ZNF705G: variants seen among roughly 807,000 people sequenced by gnomAD.
ZNF705G encodes the protein putative zinc finger protein 705G.
ZNF705G carries 23 observed loss-of-function variants against 19.6 expected under a neutral mutation model. That is an observed-to-expected ratio of 1.17 (90% CI 0.84 to 1.66). The LOEUF (loss-of-function observed/expected upper bound fraction) is 1.66, where lower values mean the gene tolerates loss of function less well. ZNF705G is among the 40% of genes most tolerant of loss of function. The probability of loss-of-function intolerance (pLI) is 0.00; values close to 1 mark genes in which losing one functional copy is unlikely to be tolerated. For missense variants in ZNF705G, 457 were observed against 354.4 expected (o/e 1.29, Z -2.32); for synonymous variants, 146 against 117.7 (o/e 1.24, Z -1.56).
intron 2 of ZNF705G, among the ~76,000 whole-genome samples, chr8:7,367,099 C>G (rs1191853400): frequency 6.7e-6 from 1 of 149,546 alleles, no homozygotes; most frequent in South Asian, 2.1e-4. Context: ...AAAAGGCACA[C>G]AAATAGTGAA....
rs192686325 is a variant in ZNF705G, at chr8:7,361,281, C to G, written c.13-45G>C. ...TTAGTTTAGACAGAGAAATTCCTTT[C>G]AATGTCCGGAAGAGGAAGGCTGAGA... On this transcript the variant is annotated intron_variant, in intron 3 of 6. Transcript: ENST00000400156. 1.3e-5 allele frequency: 20 copies of G among 1,592,308 alleles called. No individual in the cohort carries two copies. The African/African-American group carries it at 2.7e-4, about 21-fold the overall frequency.
At position 7,359,256 on chromosome 8, in the gene ZNF705G, G is replaced by C. The variant is rs1806450738; in HGVS notation, c.318+363C>G. Among the ~76,000 whole-genome samples the C allele has an allele frequency of 2.0e-5, 3 of 149,758 alleles. 1 individual carries two copies. The highest frequency in any genetic ancestry group is 4.2e-4 in the South Asian group (2 of 4,754). On this transcript the variant is annotated intron_variant, in intron 6 of 6. Transcript: ENST00000400156. ...CAAATAAATCTCCTAAAATGATTGA[G>C]ACTTGTCTTGTCATTTTTCTCGATT...
At chr8:7,359,793 T>G (rs1585408069) in intron 5 of ZNF705G, 92 bp from the exon 6 acceptor site, 4 of 1,576,218 alleles carry the variant, frequency 2.5e-6, no homozygotes, top group Non-Finnish European at 3.5e-6. Flanking sequence ...TTTCAAAAAT[T>G]GACACGTAGA....
chr8:7,371,448 G>T (rs1262262822), intron 2 of ZNF705G, among the ~76,000 whole-genome samples: 1 of 116,278 alleles, frequency 8.6e-6, no homozygotes, highest in African/African-American at 3.4e-5. Flanking sequence ...TGCTAAAAGG[G>T]TAGATTTTGT....
chr8:7,378,159 T>C (rs1807323348), intron 2 of ZNF705G, among the ~76,000 whole-genome samples: 2 of 145,510 alleles, frequency 1.4e-5, no homozygotes, highest in African/African-American at 2.8e-5. Flanking sequence ...CTCCCCTTTT[T>C]TACTAGGAAA....
chr8:7,385,108 A>G (rs1433289271), intron 1 of ZNF705G, among the ~76,000 whole-genome samples: 1 of 147,888 alleles, frequency 6.8e-6, no homozygotes, highest in East Asian at 1.9e-4. Flanking sequence ...AGGTTCAGAG[A>G]ATGAACAGGG....
intron 2 of ZNF705G, among the ~76,000 whole-genome samples, chr8:7,380,758 G>C (rs142956196): frequency 1.4e-5 from 2 of 146,564 alleles, no homozygotes; most frequent in Non-Finnish European, 2.9e-5. Flanking sequence ...CCTGACTCAC[G>C]CCTGTAATCC....
chr8:7,364,561 G>C (rs1260384912), intron 2 of ZNF705G, among the ~76,000 whole-genome samples: 1 of 149,334 alleles, frequency 6.7e-6, no homozygotes, highest in African/African-American at 2.6e-5. Context: ...ATTATATTCT[G>C]CGTGTCGCTG....
intron 5 of ZNF705G, 150 bp from the exon 6 acceptor site, chr8:7,359,851 A>C: frequency 8.0e-7 from 1 of 1,243,604 alleles, no homozygotes; most frequent in South Asian, 1.4e-5. Context: ...GAAGAAATAG[A>C]TTGTACAGTG....
intron 2 of ZNF705G, among the ~76,000 whole-genome samples, chr8:7,367,763 G>C (rs534953748): frequency 6.7e-6 from 1 of 149,592 alleles, no homozygotes; most frequent in South Asian, 2.1e-4. Flanking sequence ...GAAACTTACC[G>C]CTCAGTCTCT....
At chr8:7,383,308 A>G (rs1376933486) in intron 1 of ZNF705G, among the ~76,000 whole-genome samples, 3 of 147,326 alleles carry the variant, frequency 2.0e-5, no homozygotes, top group Admixed American at 6.6e-5. Context: ...TATACACGGT[A>G]AAACACTGAA....
chr8:7,360,493 A>G (rs186448657), intron 4 of ZNF705G, among the ~76,000 whole-genome samples, 161 bp from the exon 5 acceptor site: 1 of 149,382 alleles, frequency 6.7e-6, no homozygotes, highest in East Asian at 1.9e-4. Flanking sequence ...TTCTGACCCA[A>G]TATGAGACTA....
At chr8:7,383,919 A>G (rs3906085) in intron 1 of ZNF705G, among the ~76,000 whole-genome samples, 7,090 of 140,036 alleles carry the variant, frequency 0.051, 74 homozygotes, top group Non-Finnish European at 0.071. Flanking sequence ...GGCAGGAAGG[A>G]AGGAAGAAAA....
intron 1 of ZNF705G, among the ~76,000 whole-genome samples, chr8:7,384,588 T>G (rs1434067590): frequency 4.1e-5 from 6 of 145,934 alleles, no homozygotes; most frequent in Non-Finnish European, 5.9e-5. Context: ...AAGCCTGGAA[T>G]GTCTCAAAAA....
chr8:7,369,941 G>C (rs1807022124), intron 2 of ZNF705G, among the ~76,000 whole-genome samples: 1 of 149,128 alleles, frequency 6.7e-6, no homozygotes, highest in Non-Finnish European at 1.5e-5. Context: ...TGGGTATTAT[G>C]TTTTCTATCT....
chr8:7,361,320 A>T lies in ZNF705G; in HGVS notation c.13-84T>A, dbSNP rs1806584510. The T allele has an allele frequency of 8.2e-6, 13 of 1,589,900 alleles. No homozygotes were observed. In the East Asian group the frequency reaches 2.9e-4, roughly 35 times the overall value. On this transcript the variant is annotated intron_variant, in intron 3 of 6. Coordinates refer to ENST00000400156, the MANE Select transcript of ZNF705G (RefSeq NM_001164457.3). ...GGAAGGCTGAGATGACATAGCTAGC[A>T]GCTGGGTATGCAGAATACTCAGTGT...
At position 7,361,480 on chromosome 8, in the gene ZNF705G, C is replaced by A. The variant is rs1220172024; in HGVS notation, c.13-244G>T. On this transcript the variant is annotated intron_variant, in intron 3 of 6. Transcript: ENST00000400156. ...TCACATGAGGTGTGGCATAATATAA[C>A]CCAGATATTTTTCAGTAATGTGTTA... Among the ~76,000 whole-genome samples the A allele has an allele frequency of 4.7e-5, 7 of 149,544 alleles. No homozygotes were observed. The East Asian group carries it at 1.3e-3, about 29-fold the overall frequency.
rs1201732895 is a variant in ZNF705G, at chr8:7,355,849, C to A, written c.*2127G>T. 6.7e-6 allele frequency: 1 copy of A among 149,564 alleles called. No individual in the cohort carries two copies. Among genetic ancestry groups the A allele is most frequent in the African/African-American group, 2.6e-5 (1 of 38,972 alleles). The allele number at this position is 149,564 out of a possible 1,614,324, so 9.3% of individuals were successfully genotyped here. ...TGGACACAGTCCTTGCCTCTCCAACCAGTTTGCCAAGGGCTTGAATTTCTT... is the reference window on the plus strand; with the variant it reads ...TGGACACAGTCCTTGCCTCTCCAACAAGTTTGCCAAGGGCTTGAATTTCTT... On this transcript the variant is annotated 3_prime_UTR_variant, in exon 7 of 7. Transcript: ENST00000400156.
intron 2 of ZNF705G, among the ~76,000 whole-genome samples, chr8:7,378,783 G>A (rs1411653532): frequency 6.9e-6 from 1 of 145,164 alleles, no homozygotes; most frequent in East Asian, 1.9e-4. Flanking sequence ...GATTACATTG[G>A]GCCCACCTGG....
Sources: gnomAD v4.1 joint callset for allele counts (sites outside exome capture counted in the v4.1 genomes callset) on GRCh38, gnomAD v4.1.1 for gene constraint, MANE v1.5 for transcripts, NCBI Gene and HGNC (gene_info 2026-07-23, HGNC 2026-07-21) for gene names.